The following NLRP5 variants were observed in gnomAD, a reference collection of about 807,000 sequenced individuals.
NLRP5 encodes NLR family pyrin domain containing 5.
A neutral mutation model predicts 113.1 loss-of-function variants in NLRP5; 93 were observed. The observed-to-expected ratio is 0.82, with a 90% CI of 0.70 to 0.98. NLRP5 has a LOEUF of 0.98. NLRP5 is among the 50% of genes least tolerant of loss of function. NLRP5 has a pLI of 0.00. For synonymous variants in NLRP5, 751 were observed against 600.7 expected, an observed-to-expected ratio of 1.25 and a Z score of -3.66; for missense variants, 1,808 against 1,514.3, an observed-to-expected ratio of 1.19 and a Z score of -3.22.
rs371415821 is a variant in NLRP5, at chr19:56,053,708, C to G, written c.3199C>G (p.Leu1067Val). The change falls in exon 13 of 15, where the codon CTG becomes GTG. Residue 1067 changes from leucine (L) to valine (V), a missense_variant. Transcript: ENST00000390649. ...CTGTGTGATCTCGAGGAGCAGACACCTGAAGAGCCTGGATCTCACGGACAA... is the reference window on the plus strand; with the variant it reads ...CTGTGTGATCTCGAGGAGCAGACACGTGAAGAGCCTGGATCTCACGGACAA... The G allele has an allele frequency of 6.2e-7, 1 of 1,613,766 alleles. No individual in the cohort carries two copies. Among genetic ancestry groups the G allele is most frequent in the Non-Finnish European group, 8.5e-7 (1 of 1,179,882 alleles).
Position 56,058,232 on chromosome 19 carries a change from C to A in NLRP5, c.3300-8C>A. On this transcript the variant is annotated splice_polypyrimidine_tract_variant and splice_region_variant and intron_variant, in intron 13 of 14. Coordinates refer to ENST00000390649, the MANE Select transcript of NLRP5 (RefSeq NM_153447.4). ...TGGGGTTATTTTCTGGGTGTCCTGA[C>A]CCTGCAGGTTGAAGGCATGTGGACT... is the stretch of plus-strand genomic sequence containing the variant. 6.2e-7 allele frequency: 1 copy of A among 1,610,220 alleles called. No homozygotes were observed. The highest frequency in any genetic ancestry group is 8.5e-7 in the Non-Finnish European group (1 of 1,177,848).
At chr19:56,002,018 C>A (rs117126199) in intron 1 of NLRP5, among the ~76,000 whole-genome samples, 1,813 of 152,186 alleles carry the variant, frequency 0.012, 16 homozygotes, top group Non-Finnish European at 0.02. Flanking sequence ...ATTCCTGGGG[C>A]CTTATAACAA....
chr19:56,054,589 C>G (rs193122702), intron 13 of NLRP5, among the ~76,000 whole-genome samples: 1 of 146,934 alleles, frequency 6.8e-6, no homozygotes, highest in Non-Finnish European at 1.5e-5. Flanking sequence ...AAAAAACGTG[C>G]TGATACGTTC....
At chr19:55,990,111 A>G in the NLRP5 span, among the ~76,000 whole-genome samples, 2 of 65,806 alleles carry the variant, frequency 3.0e-5, no homozygotes, top group Middle Eastern at 0.016. Flanking sequence ...TTTTTTTGAG[A>G]CAGTGTCTTA....
At chr19:55,998,710 G>GTGTGTGTATATATATATA (rs764250371), upstream of NLRP5, among the ~76,000 whole-genome samples, 31 of 67,836 alleles carry the variant, frequency 4.6e-4, 1 homozygote, top group Middle Eastern at 7.5e-3. Context: ...ATATGTGTGT[G>GTGTGTGTATATATATATA]TGTGTATATA....
Position 56,061,468 on chromosome 19 carries a change from CGTAATTGACG to C in NLRP5, c.3547_3556del (p.Ile1183ValfsTer32). On this transcript the variant is annotated frameshift_variant, in exon 15 of 15. Transcript: ENST00000390649. LOFTEE classifies it low-confidence loss of function (END_TRUNC). ...AAGTGCAGCTACTCAAGCCCCGAGT[CGTAATTGACG>C]GTAGTTGGCATTCTTTTGATGAAGA... 1 of 1,613,972 alleles carries C rather than the reference CGTAATTGACG, an allele frequency of 6.2e-7. No individual in the cohort carries two copies. Among genetic ancestry groups the C allele is most frequent in the South Asian group, 1.1e-5 (1 of 91,086 alleles).
At chr19:56,006,389 C>T (rs977405659) in intron 2 of NLRP5, among the ~76,000 whole-genome samples, 2 of 151,778 alleles carry the variant, frequency 1.3e-5, no homozygotes, top group East Asian at 3.9e-4. Flanking sequence ...CAAACCTGCA[C>T]ATTGTGCACA....
Position 56,053,749 on chromosome 19 carries a change from T to G in NLRP5, c.3240T>G (p.Gly1080=). The G allele has an allele frequency of 6.2e-7, 1 of 1,613,692 alleles. No homozygotes were observed. The highest frequency in any genetic ancestry group is 8.5e-7 in the Non-Finnish European group (1 of 1,179,840). The change falls in exon 13 of 15, where the codon GGT becomes GGG. Residue 1080 remains glycine (G), a synonymous_variant. Coordinates refer to ENST00000390649, the MANE Select transcript of NLRP5 (RefSeq NM_153447.4). ...TCACGGACAATGCCCTGGGTGACGG[T>G]GGGGTTGCTGCGCTGTGCGAGGGAC...
intron 3 of NLRP5, among the ~76,000 whole-genome samples, chr19:56,014,604 T>G (rs1223525183): frequency 2.0e-5 from 3 of 152,208 alleles, no homozygotes; most frequent in Middle Eastern, 3.2e-3. Flanking sequence ...GTTAATTTTG[T>G]ATATAGCATG....
the NLRP5 span, chr19:55,988,400 G>C: frequency 4.3e-5 from 4 of 92,604 alleles, no homozygotes; most frequent in South Asian, 1.4e-3. Context: ...GTCTCAAGAA[G>C]AAAAAAAAAA....
At chr19:56,010,594 A>G (rs74420060) in intron 3 of NLRP5, among the ~76,000 whole-genome samples, 2,968 of 60,184 alleles carry the variant, frequency 0.049, 92 homozygotes, top group African/African-American at 0.15. Flanking sequence ...AAAATACAGG[A>G]AAAAAAAAAC....
At chr19:55,988,013 C>G in the NLRP5 span, 9 of 897,552 alleles carry the variant, frequency 1.0e-5, no homozygotes, top group Non-Finnish European at 1.6e-5. Flanking sequence ...AACGTACTTT[C>G]CCCTGAAACA....
intron 10 of NLRP5, among the ~76,000 whole-genome samples, chr19:56,038,610 G>A (rs1983406338): frequency 6.6e-6 from 1 of 152,074 alleles, no homozygotes; most frequent in Non-Finnish European, 1.5e-5. Context: ...TAAAGTCCAG[G>A]CCAGAGCTCA....
chr19:56,008,933 CA>C, intron 3 of NLRP5, 80 bp downstream of exon 3: 1 of 1,216,396 alleles, frequency 8.2e-7, no homozygotes, highest in Admixed American at 1.9e-5. Flanking sequence ...GCATTAGAAC[CA>C]TGACTTCTGA....
At chr19:56,009,213 G>A (rs1330665435) in intron 3 of NLRP5, among the ~76,000 whole-genome samples, 1 of 151,730 alleles carries the variant, frequency 6.6e-6, no homozygotes, top group Non-Finnish European at 1.5e-5. Flanking sequence ...GGTGGTGGGT[G>A]CCTGTAATCC....
rs529311844 is a variant in NLRP5, at chr19:56,002,686, A to G, written c.63-1030A>G. On this transcript the variant is annotated intron_variant, in intron 1 of 14. Transcript: ENST00000390649. ...TGTGTCCAAGTGTACTCATTGTTCA[A>G]TTCCCACCTATGAGTGAGAACATGC... Among the ~76,000 whole-genome samples the G allele has an allele frequency of 6.0e-4, 88 of 147,476 alleles. 3 individuals are homozygous for G. Among genetic ancestry groups the G allele is most frequent in the African/African-American group, 2.2e-3 (86 of 38,624 alleles).
At chr19:56,015,173 G>T (rs1004167995) in intron 3 of NLRP5, among the ~76,000 whole-genome samples, 2 of 152,032 alleles carry the variant, frequency 1.3e-5, no homozygotes, top group African/African-American at 2.4e-5. Context: ...ATTATAAGTG[G>T]AGTGTTTGTT....
the NLRP5 span, among the ~76,000 whole-genome samples, chr19:55,992,740 A>G: frequency 6.6e-6 from 1 of 152,160 alleles, no homozygotes; most frequent in African/African-American, 2.4e-5. Flanking sequence ...AAAGCCAAAA[A>G]TGCCTGGCTC....
At chr19:56,031,715 C>T (rs1162750646) in intron 7 of NLRP5, among the ~76,000 whole-genome samples, 1 of 151,998 alleles carries the variant, frequency 6.6e-6, no homozygotes, top group African/African-American at 2.4e-5. Context: ...AACATAATAT[C>T]CTCCAGGTTC....
Sources: gnomAD v4.1 joint callset for allele counts (sites outside exome capture counted in the v4.1 genomes callset) on GRCh38, gnomAD v4.1.1 for gene constraint, MANE v1.5 for transcripts, NCBI Gene and HGNC (gene_info 2026-07-23, HGNC 2026-07-21) for gene names.